Variants in THSD4 observed in about 807,000 individuals in gnomAD.
The protein encoded by THSD4 is thrombospondin type-1 domain-containing protein 4.
A neutral mutation model predicts 119.0 loss-of-function variants in THSD4; 69 were observed. The ratio of observed to expected loss-of-function variants is 0.58; its 90% confidence interval spans 0.48 to 0.71. THSD4 has a LOEUF of 0.71. Among genes scored for constraint, THSD4 ranks in the 30% least tolerant of loss-of-function variants. The pLI is 0.00. For synonymous variants in THSD4, 524 were observed against 540.4 expected, an observed-to-expected ratio of 0.97 and a Z score of 0.42; for missense variants, 1,393 against 1,391.1, an observed-to-expected ratio of 1.00 and a Z score of -0.02.
chr15:71,651,110 C>G (rs1289018253), intron 7 of THSD4, among the ~76,000 whole-genome samples: 1 of 152,182 alleles, frequency 6.6e-6, no homozygotes, highest in African/African-American at 2.4e-5. Context: ...CATCAAAGGC[C>G]TGCCCCCCAG....
In THSD4 at chr15:71,777,499, C is replaced by G. The variant is rs2053936658; in HGVS notation, c.*125C>G. ...AGGCGCTGCCAACCAACTTAGTCAC[C>G]ACCCCTGCCTCCGGTGAATGCACCC... On this transcript the variant is annotated 3_prime_UTR_variant, in exon 18 of 18. Transcript: ENST00000261862. 1.3e-5 allele frequency: 17 copies of G among 1,340,862 alleles called. No homozygotes were observed. The Admixed American group carries it at 3.4e-4, about 27-fold the overall frequency. 83.1% of individuals were successfully genotyped at this position (1,340,862 alleles called of 1,614,324 possible). A position where few individuals can be genotyped will look rare whatever the true frequency, so the allele number is the denominator to read the frequency against.
At chr15:71,666,385 T>C (rs1338240719) in intron 8 of THSD4, among the ~76,000 whole-genome samples, 1 of 152,186 alleles carries the variant, frequency 6.6e-6, no homozygotes, top group Non-Finnish European at 1.5e-5. Flanking sequence ...ACTTGTATTA[T>C]GGGGGTTTGT....
chr15:71,524,576 G>A (rs1267937433), intron 7 of THSD4, among the ~76,000 whole-genome samples: 1 of 140,614 alleles, frequency 7.1e-6, no homozygotes, highest in Non-Finnish European at 1.5e-5. Context: ...AGCCCTTCTT[G>A]GTTTATGCCT....
At chr15:71,622,643 G>A (rs1370949217) in intron 7 of THSD4, among the ~76,000 whole-genome samples, 1 of 151,936 alleles carries the variant, frequency 6.6e-6, no homozygotes, top group African/African-American at 2.4e-5. Context: ...CCCTCTTTTT[G>A]TAAATTTTAA....
intron 7 of THSD4, among the ~76,000 whole-genome samples, chr15:71,470,431 A>C (rs2047559181): frequency 6.6e-6 from 1 of 152,214 alleles, no homozygotes; most frequent in Non-Finnish European, 1.5e-5. Context: ...CACTGCTAGA[A>C]AATAATAACA....
rs375704702 is a variant in THSD4, at chr15:71,679,411, A to G, written c.1357+18677A>G. Among the ~76,000 whole-genome samples, 74 of 152,300 alleles carry G rather than the reference A, an allele frequency of 4.9e-4. No homozygotes were observed. In the South Asian group the frequency reaches 0.013, roughly 28 times the overall value. ...GCACAGTGAGAAAGCAGCATAGACA[A>G]TATGTGAATGAATGGGGGTGCCTAT... On this transcript the variant is annotated intron_variant, in intron 8 of 17. Coordinates refer to ENST00000261862, the MANE Select transcript of THSD4 (RefSeq NM_024817.3).
At chr15:71,221,947 G>A (rs1414665882) in intron 4 of THSD4, among the ~76,000 whole-genome samples, 2 of 152,132 alleles carry the variant, frequency 1.3e-5, no homozygotes, top group African/African-American at 4.8e-5. Flanking sequence ...CCTAATGGGT[G>A]TGGGGTGGTA....
chr15:71,140,233 G>A (rs933801121), intron 1 of THSD4, among the ~76,000 whole-genome samples: 2 of 152,182 alleles, frequency 1.3e-5, no homozygotes, highest in African/African-American at 4.8e-5. Context: ...TCTGCAGGCT[G>A]TACAAGAAGC....
At chr15:71,111,712 T>C (rs2040306642), upstream of THSD4, 1 of 528,704 alleles carries the variant, frequency 1.9e-6, no homozygotes, top group Non-Finnish European at 3.3e-6. Context: ...GGTTTGAATG[T>C]AGGTCCATTT....
chr15:71,106,205 TCTCGTGCACAGTGTG>T (rs2040273636), intron 1 of THSD4, among the ~76,000 whole-genome samples: 2 of 152,082 alleles, frequency 1.3e-5, no homozygotes, highest in Admixed American at 1.3e-4. Flanking sequence ...GGGCCAGGGA[TCTCGTGCACAGTGTG>T]CTTAACCTTC....
At chr15:71,376,513 C>G (rs1393877319) in intron 6 of THSD4, among the ~76,000 whole-genome samples, 2 of 152,160 alleles carry the variant, frequency 1.3e-5, no homozygotes, top group Non-Finnish European at 2.9e-5. Context: ...CTTTTTCTGG[C>G]CATTCTGTGG....
intron 8 of THSD4, among the ~76,000 whole-genome samples, chr15:71,723,848 G>A (rs775566725): frequency 1.7e-4 from 26 of 152,012 alleles, no homozygotes; most frequent in Admixed American, 2.6e-4. Context: ...CAGGAGGATC[G>A]CTTGAGCTTA....
chr15:71,185,585 A>G (rs1567150038), intron 3 of THSD4: 1 of 105,962 alleles, frequency 9.4e-6, no homozygotes. Context: ...CAAAGTACAA[A>G]TGAATTATGT....
At chr15:71,519,431 G>A (rs562495298) in intron 7 of THSD4, among the ~76,000 whole-genome samples, 7 of 151,628 alleles carry the variant, frequency 4.6e-5, no homozygotes, top group African/African-American at 1.7e-4. Context: ...GTGTGATCTC[G>A]GCTCACTGCA....
chr15:71,384,382 C>CA lies in THSD4; in HGVS notation c.1016-27295dup, dbSNP rs924040278. Among the ~76,000 whole-genome samples the CA allele has an allele frequency of 5.8e-3, 830 of 144,238 alleles. 7 individuals carry two copies. The highest frequency in any genetic ancestry group is 0.019 in the African/African-American group (726 of 39,218). 94.6% of individuals were successfully genotyped at this position (144,238 alleles called of 152,430 possible). A position where few individuals can be genotyped will look rare whatever the true frequency, so the allele number is the denominator to read the frequency against. On this transcript the variant is annotated intron_variant, in intron 6 of 17. Coordinates refer to ENST00000261862, the MANE Select transcript of THSD4 (RefSeq NM_024817.3). ...AACGGTACAGAGCAAGACTCCGTCT[C>CA]AAAAAAAAAACAAAAACATGAAACT...
chr15:71,107,934 C>A (rs904769465), intron 1 of THSD4, among the ~76,000 whole-genome samples: 2 of 152,172 alleles, frequency 1.3e-5, no homozygotes, highest in Non-Finnish European at 2.9e-5. Flanking sequence ...AGATGAAAAC[C>A]AGCTGCTATT....
intron 6 of THSD4, among the ~76,000 whole-genome samples, chr15:71,260,081 G>C (rs2044372415): frequency 6.6e-6 from 1 of 152,178 alleles, no homozygotes; most frequent in Non-Finnish European, 1.5e-5. Flanking sequence ...AGCTGTTGTT[G>C]TCTAAGACCT....
At chr15:71,110,299 G>C (rs756635185) in intron 1 of THSD4, 5 of 152,198 alleles carry the variant, frequency 3.3e-5, no homozygotes, top group Non-Finnish European at 7.3e-5. Flanking sequence ...CATTACAAGA[G>C]AATTGTGGAA....
intron 8 of THSD4, among the ~76,000 whole-genome samples, chr15:71,723,947 G>C (rs2052770886): frequency 6.6e-6 from 1 of 151,792 alleles, no homozygotes; most frequent in Non-Finnish European, 1.5e-5. Context: ...GTGCGCACCT[G>C]TGGGAAGCTG....
Sources: gnomAD v4.1 joint callset for allele counts (sites outside exome capture counted in the v4.1 genomes callset) on GRCh38, gnomAD v4.1.1 for gene constraint, MANE v1.5 for transcripts, NCBI Gene and HGNC (gene_info 2026-07-23, HGNC 2026-07-21) for gene names.